The following DNAAF9 variants were observed in gnomAD, a reference collection of about 807,000 sequenced individuals.
DNAAF9 encodes the protein shulin.
DNAAF9 carries 90 observed loss-of-function variants against 167.0 expected under a neutral mutation model. That is an observed-to-expected ratio of 0.54 (90% CI 0.45 to 0.64). The LOEUF (loss-of-function observed/expected upper bound fraction) is 0.64, where lower values mean the gene tolerates loss of function less well. Ranked by LOEUF, DNAAF9 falls within the 30% of genes least tolerant of loss-of-function variation. The pLI, the probability that DNAAF9 is intolerant of heterozygous loss-of-function variation, is 0.00. For missense variants in DNAAF9, 1,315 were observed against 1,442.2 expected, an observed-to-expected ratio of 0.91 and a Z score of 1.43; for synonymous variants, 491 against 508.8, an observed-to-expected ratio of 0.96 and a Z score of 0.47.
At chr20:3,255,089 G>A in intron 35 of DNAAF9, 130 bp downstream of exon 35, 2 of 622,444 alleles carry the variant, frequency 3.2e-6, no homozygotes, top group Non-Finnish European at 5.8e-6. Context: ...TCCCTCTGTG[G>A]CCTGGGAGAA....
In DNAAF9 at chr20:3,349,334, A is replaced by G. The variant is rs117878309; in HGVS notation, c.691-711T>C. ...GAGGTCCAAGTTGGAGTGAACTGGG[A>G]TTGTGCTGCTACACTACAGCCTGGG... On this transcript the variant is annotated intron_variant, in intron 7 of 36. Coordinates refer to ENST00000252032, the MANE Select transcript of DNAAF9 (RefSeq NM_001009984.3). Among the ~76,000 whole-genome samples the G allele has an allele frequency of 2.6e-3, 396 of 151,750 alleles. 3 individuals carry two copies. Among genetic ancestry groups the G allele is most frequent in the East Asian group, 0.018 (91 of 5,176 alleles).
At chr20:3,314,736 C>A (rs1248533932) in intron 20 of DNAAF9, among the ~76,000 whole-genome samples, 1 of 152,154 alleles carries the variant, frequency 6.6e-6, no homozygotes, top group Non-Finnish European at 1.5e-5. Context: ...ATGAATCCAG[C>A]TTCTGTTTAG....
In DNAAF9 at chr20:3,362,183, A is replaced by G. The variant is rs187006719; in HGVS notation, c.613-2590T>C. On this transcript the variant is annotated intron_variant, in intron 6 of 36. Coordinates refer to ENST00000252032, the MANE Select transcript of DNAAF9 (RefSeq NM_001009984.3). ...GGAGGCCCAATTATCATCCCTGTCC[A>G]TCTTGTAAGTGTCATGTCTTCGTAA... The G allele has an allele frequency of 2.2e-4, 321 of 1,431,888 alleles. No homozygotes were observed. In the African/African-American group the frequency reaches 3.9e-3, roughly 17 times the overall value. 88.7% of individuals were successfully genotyped at this position (1,431,888 alleles called of 1,614,324 possible).
chr20:3,260,868 G>T (rs2068373390), intron 31 of DNAAF9, among the ~76,000 whole-genome samples: 1 of 152,204 alleles, frequency 6.6e-6, no homozygotes, highest in South Asian at 2.1e-4. Context: ...CTGGCCTCAA[G>T]TGATCTGCCC....
At position 3,370,360 on chromosome 20, in the gene DNAAF9, G is replaced by C. The variant is rs946931170; in HGVS notation, c.612+3688C>G. Among the ~76,000 whole-genome samples, 3 of 151,698 alleles carry C rather than the reference G, an allele frequency of 2.0e-5. No individual in the cohort carries two copies. In the East Asian group the frequency reaches 5.8e-4, roughly 29 times the overall value. ...AGCTCCAGGGCTCAAGCTATCCTCCGGCCTCAGCCTCCCAAGTAGGTGGGA... is the reference window on the plus strand; with the variant it reads ...AGCTCCAGGGCTCAAGCTATCCTCCCGCCTCAGCCTCCCAAGTAGGTGGGA... On this transcript the variant is annotated intron_variant, in intron 6 of 36. Transcript: ENST00000252032.
chr20:3,368,650 C>T (rs2083463958), intron 6 of DNAAF9, among the ~76,000 whole-genome samples: 1 of 151,632 alleles, frequency 6.6e-6, no homozygotes, highest in South Asian at 2.1e-4. Context: ...GTAGCTGGGA[C>T]TACAGGTGCC....
chr20:3,366,542 G>C (rs1402600078), intron 6 of DNAAF9, among the ~76,000 whole-genome samples: 1 of 152,134 alleles, frequency 6.6e-6, no homozygotes, highest in Non-Finnish European at 1.5e-5. Context: ...ATGAGCACTG[G>C]CTTCAACTTA....
chr20:3,257,775 G>C (rs1265409845), intron 33 of DNAAF9, among the ~76,000 whole-genome samples: 1 of 152,010 alleles, frequency 6.6e-6, no homozygotes, highest in Admixed American at 6.6e-5. Context: ...TACAATCTTG[G>C]CTCACTACAA....
intron 12 of DNAAF9, among the ~76,000 whole-genome samples, chr20:3,328,930 C>T (rs1183488584): frequency 2.7e-5 from 4 of 146,196 alleles, no homozygotes; most frequent in East Asian, 2.0e-4. Flanking sequence ...AGTGCAGTGG[C>T]GCTATCTCGG....
chr20:3,252,527 T>C lies in DNAAF9; in HGVS notation c.*45A>G. On this transcript the variant is annotated 3_prime_UTR_variant, in exon 37 of 37. Coordinates refer to ENST00000252032, the MANE Select transcript of DNAAF9 (RefSeq NM_001009984.3). ...TGAGGTTAAGACACCCGTTCGTCCA[T>C]CTCCAAGGTGGACATTCTGCAGGAC... 1 of 1,051,380 alleles carries C rather than the reference T, an allele frequency of 9.5e-7. No individual in the cohort carries two copies. The highest frequency in any genetic ancestry group is 1.5e-6 in the Non-Finnish European group (1 of 666,836). The allele number at this position is 1,051,380 out of a possible 1,614,324, so 65.1% of individuals were successfully genotyped here. A position where few individuals can be genotyped will look rare whatever the true frequency, so the allele number is the denominator to read the frequency against.
intron 30 of DNAAF9, among the ~76,000 whole-genome samples, chr20:3,266,059 A>G (rs1162296575): frequency 6.6e-6 from 1 of 152,160 alleles, no homozygotes; most frequent in Non-Finnish European, 1.5e-5. Context: ...TGGTGTTGAT[A>G]TTTGAGAGTA....
At chr20:3,335,522 C>CGAGGCGG (rs1282530135) in intron 10 of DNAAF9, among the ~76,000 whole-genome samples, 1 of 151,884 alleles carries the variant, frequency 6.6e-6, no homozygotes, top group Non-Finnish European at 1.5e-5. Context: ...TTTGGGAGGT[C>CGAGGCGG]GAGGCGGGTG....
At chr20:3,366,638 C>T (rs1258686699) in intron 6 of DNAAF9, among the ~76,000 whole-genome samples, 1 of 152,100 alleles carries the variant, frequency 6.6e-6, no homozygotes, top group Non-Finnish European at 1.5e-5. Flanking sequence ...TATGAAAGTC[C>T]TAGAGGCTGG....
At chr20:3,307,643 GA>G (rs1489386554) in intron 20 of DNAAF9, among the ~76,000 whole-genome samples, 1 of 152,142 alleles carries the variant, frequency 6.6e-6, no homozygotes, top group Non-Finnish European at 1.5e-5. Flanking sequence ...CTGTAAGTCT[GA>G]AAACCCAGGA....
intron 11 of DNAAF9, among the ~76,000 whole-genome samples, chr20:3,331,177 G>A (rs954623433): frequency 6.6e-6 from 1 of 152,072 alleles, no homozygotes; most frequent in African/African-American, 2.4e-5. Context: ...ACCTTCACCC[G>A]CATTTTCCAC....
At chr20:3,287,505 T>C in intron 27 of DNAAF9, 127 bp downstream of exon 27, 1 of 879,516 alleles carries the variant, frequency 1.1e-6, no homozygotes, top group Non-Finnish European at 1.9e-6. Context: ...AAGGCTTCTC[T>C]GTAGCGCAGA....
At position 3,315,307 on chromosome 20, in the gene DNAAF9, AT is replaced by A. The variant is rs2069483621; in HGVS notation, c.1591-188del. The stretch of plus-strand genomic sequence containing the variant: ...TCTTTGGCAGTTACTGGCATCCTTG[AT>A]TTGTGCTGAGAAAAAGAACATTAAG... On this transcript the variant is annotated intron_variant, in intron 19 of 36. Transcript: ENST00000252032. This position sits in a 1 kb window ranked among gnomAD's most constrained non-coding sequence, Gnocchi z 4.1. Among the ~76,000 whole-genome samples, 1 of 152,144 alleles carries A rather than the reference AT, an allele frequency of 6.6e-6. No homozygotes were observed. Among genetic ancestry groups the A allele is most frequent in the African/African-American group, 2.4e-5 (1 of 41,420 alleles).
intron 12 of DNAAF9, among the ~76,000 whole-genome samples, chr20:3,328,809 G>T (rs1250141506): frequency 1.3e-5 from 2 of 149,934 alleles, no homozygotes; most frequent in Non-Finnish European, 3.0e-5. Context: ...TAAAAGCCCA[G>T]AAAGATATAT....
intron 3 of DNAAF9, among the ~76,000 whole-genome samples, chr20:3,381,096 T>C (rs2083645180): frequency 6.6e-6 from 1 of 152,184 alleles, no homozygotes; most frequent in South Asian, 2.1e-4. Context: ...CAATGGTCAA[T>C]GAAGAGGAAA....
Sources: gnomAD v4.1 joint callset for allele counts (sites outside exome capture counted in the v4.1 genomes callset) on GRCh38, gnomAD v4.1.1 for gene constraint, Gnocchi (gnomAD v3.1) non-coding constraint, MANE v1.5 for transcripts, NCBI Gene and HGNC (gene_info 2026-07-23, HGNC 2026-07-21) for gene names.